MYO18B: variants seen among roughly 807,000 people sequenced by gnomAD.
MYO18B encodes myosin XVIIIB, also known as unconventional myosin-XVIIIb.
MYO18B carries 204 observed loss-of-function variants against 273.0 expected under a neutral mutation model. The ratio of observed to expected loss-of-function variants is 0.75; its 90% CI spans 0.67 to 0.84. MYO18B has a LOEUF of 0.84. Among genes scored for constraint, MYO18B ranks in the 40% least tolerant of loss-of-function variants. The pLI, the probability that MYO18B is intolerant of heterozygous loss-of-function variation, is 0.00. For missense variants in MYO18B, 3,212 were observed against 3,287.6 expected (o/e 0.98, Z 0.56); for synonymous variants, 1,330 against 1,305.7 (o/e 1.02, Z -0.40).
rs2859407 is a variant in MYO18B, at chr22:25,846,262, C to T, written c.3531C>T (p.Cys1177=). Residue 1177 remains cysteine (C), a synonymous_variant, in exon 19 of 44, where the codon TGC becomes TGT. Transcript: ENST00000335473. Reference sequence around the variant, plus strand: ...CCGCGGTGAGGAGGAAAGCCCCGTGCTCCCAGATCAAGCTGCAGATGGTGA... The same window carrying T: ...CCGCGGTGAGGAGGAAAGCCCCGTGTTCCCAGATCAAGCTGCAGATGGTGA... ...SLAAVRRKAP[C]SQIKLQMDAL... is the part of the protein sequence containing the mutation. 9.5e-3 allele frequency: 15,348 copies of T among 1,611,860 alleles called. 1,157 individuals carry two copies. In the African/African-American group the frequency reaches 0.18, roughly 19 times the overall value.
intron 40 of MYO18B, among the ~76,000 whole-genome samples, chr22:26,000,670 C>G (rs763695581): frequency 6.6e-6 from 1 of 150,382 alleles, no homozygotes; most frequent in East Asian, 1.9e-4. Flanking sequence ...AGCATTTGTT[C>G]GTACAATAAA....
At chr22:25,861,693 C>T (rs555312337) in intron 21 of MYO18B, among the ~76,000 whole-genome samples, 31 of 152,280 alleles carry the variant, frequency 2.0e-4, no homozygotes, top group South Asian at 4.2e-4. Context: ...ATGGGCTTCA[C>T]GCCTTCTTTT....
At chr22:26,044,296 G>T in the MYO18B span, among the ~76,000 whole-genome samples, 8 of 152,304 alleles carry the variant, frequency 5.3e-5, no homozygotes, top group South Asian at 2.1e-4. Context: ...TATTCTTAAA[G>T]ATGTAGTTTG....
intron 31 of MYO18B, among the ~76,000 whole-genome samples, chr22:25,905,410 G>A (rs2092022382): frequency 4.6e-5 from 7 of 152,180 alleles, no homozygotes; most frequent in Admixed American, 4.6e-4. Flanking sequence ...TTGCAAATAA[G>A]ACAGACACAA....
rs750657357 is a variant in MYO18B, at chr22:25,770,928, C to A, written c.1636C>A (p.Leu546Ile). The A allele has an allele frequency of 3.2e-6, 5 of 1,552,146 alleles. No homozygotes were observed. Among genetic ancestry groups the A allele is most frequent in the Non-Finnish European group, 4.4e-6 (5 of 1,147,230 alleles). ...AGACCTGCCAGCAGGAAGGGTGAGA[C>A]TTTGGATTGATGCTGACAAAACCAT... The part of the protein sequence containing the change: ...TADLPAGRVR[L>I]WIDADKTITE... Residue 546 changes from leucine to isoleucine, a missense_variant, in exon 6 of 44, where the codon CTT becomes ATT. Transcript: ENST00000335473.
Position 26,026,464 on chromosome 22 carries a change from G to A in MYO18B, c.6490G>A (p.Asp2164Asn), listed in dbSNP as rs749641430. The change falls in exon 43 of 44, where the codon GAC (aspartate) becomes AAC (asparagine). Residue 2164 changes from aspartate (D) to asparagine (N), a missense_variant. Coordinates refer to ENST00000335473, the MANE Select transcript of MYO18B (RefSeq NM_032608.7). Reference protein sequence around the residue: ...LSPRINEEAGDTERTQSALAL... With the variant: ...LSPRINEEAGNTERTQSALAL... ...GCACAGGATAAACGAAGAGGCTGGGGACACTGAGAGGACCCAGTCGGCATT... is the reference window on the plus strand; with the variant it reads ...GCACAGGATAAACGAAGAGGCTGGGAACACTGAGAGGACCCAGTCGGCATT... 5.6e-6 allele frequency: 9 copies of A among 1,612,374 alleles called. No homozygotes were observed. The highest frequency in any genetic ancestry group is 7.6e-6 in the Non-Finnish European group (9 of 1,178,792).
chr22:25,980,627 T>G (rs2093139424), intron 39 of MYO18B, among the ~76,000 whole-genome samples: 1 of 152,228 alleles, frequency 6.6e-6, no homozygotes. Context: ...GAAAAGCAGT[T>G]GTCCCCAAGT....
At chr22:25,784,228 C>CCT (rs2087282302) in intron 10 of MYO18B, among the ~76,000 whole-genome samples, 1 of 152,170 alleles carries the variant, frequency 6.6e-6, no homozygotes, top group Admixed American at 6.5e-5. Flanking sequence ...GTTCTTTCTG[C>CCT]TTTCCCAGTA....
chr22:26,045,060 T>G, the MYO18B span, among the ~76,000 whole-genome samples: 2 of 151,248 alleles, frequency 1.3e-5, no homozygotes, highest in South Asian at 2.1e-4. Flanking sequence ...TTTTTTTTTG[T>G]TTTTTGGTTT....
rs980494763 is a variant in MYO18B at position 25,906,427 on chromosome 22, C to T, written c.5149-1895C>T. ...TTTATGCCAGAAACTGTAACAGGGC[C>T]TCTGACGTACACTATCCTTTTGCTC... is the stretch of plus-strand genomic sequence containing the variant. On this transcript the variant is annotated intron_variant, in intron 31 of 43. Coordinates refer to ENST00000335473, the MANE Select transcript of MYO18B (RefSeq NM_032608.7). Among the ~76,000 whole-genome samples the T allele has an allele frequency of 3.9e-5, 6 of 152,262 alleles. No individual in the cohort carries two copies. The East Asian group carries it at 9.6e-4, about 24-fold the overall frequency.
chr22:25,830,075 A>G (rs987440388), intron 15 of MYO18B, among the ~76,000 whole-genome samples: 2 of 152,032 alleles, frequency 1.3e-5, no homozygotes, highest in Admixed American at 1.3e-4. Flanking sequence ...AAATGGCCAT[A>G]TTGTTCACCA....
intron 15 of MYO18B, among the ~76,000 whole-genome samples, chr22:25,831,037 C>T (rs1448315460): frequency 1.3e-5 from 2 of 152,198 alleles, no homozygotes; most frequent in Non-Finnish European, 2.9e-5. Context: ...ACTAAAGATA[C>T]AATCTCCTTT....
intron 9 of MYO18B, 43 bp from the exon 10 acceptor site, chr22:25,781,691 G>A (rs2087164839): frequency 1.5e-6 from 2 of 1,359,982 alleles, no homozygotes. Flanking sequence ...ATGTGCAGAT[G>A]TACCCAAAGC....
At chr22:25,799,035 C>G (rs1205707959) in intron 12 of MYO18B, among the ~76,000 whole-genome samples, 2 of 152,022 alleles carry the variant, frequency 1.3e-5, no homozygotes, top group Non-Finnish European at 2.9e-5. Flanking sequence ...CTCTCCGTAT[C>G]CAATCATTCA....
chr22:25,825,466 A>G (rs1036962230), intron 13 of MYO18B, among the ~76,000 whole-genome samples: 6 of 151,874 alleles, frequency 4.0e-5, no homozygotes, highest in African/African-American at 1.2e-4. Context: ...GATCCCCTAC[A>G]CTCCTCACTC....
At chr22:25,954,120 C>G (rs2092821911) in intron 38 of MYO18B, among the ~76,000 whole-genome samples, 2 of 152,180 alleles carry the variant, frequency 1.3e-5, no homozygotes, top group South Asian at 4.1e-4. Flanking sequence ...ATTTGCCCAT[C>G]AGGATCGATT....
intron 34 of MYO18B, among the ~76,000 whole-genome samples, chr22:25,922,434 C>T (rs1035484166): frequency 2.0e-5 from 3 of 152,160 alleles, no homozygotes; most frequent in Admixed American, 1.3e-4. Flanking sequence ...GGAGAGATGT[C>T]CCAAAGCTGA....
At chr22:25,876,936 C>T (rs1439593970) in intron 24 of MYO18B, 1 of 152,214 alleles carries the variant, frequency 6.6e-6, no homozygotes, top group Admixed American at 6.5e-5. Context: ...TTTATGGCTG[C>T]ATAGCCCTCC....
At chr22:26,032,817 C>T (rs1936697631), downstream of MYO18B, among the ~76,000 whole-genome samples, 1 of 152,086 alleles carries the variant, frequency 6.6e-6, no homozygotes, top group South Asian at 2.1e-4. Flanking sequence ...TTTTAAAGGT[C>T]CCGTCTCCAA....
Sources: allele counts gnomAD v4.1 joint callset (sites outside exome capture counted in the v4.1 genomes callset), GRCh38; gene constraint gnomAD v4.1.1; transcripts MANE v1.5; gene names NCBI Gene and HGNC (gene_info 2026-07-23, HGNC 2026-07-21).